Variants in KCNIP1 observed in about 807,000 individuals in gnomAD.
The protein encoded by KCNIP1 is potassium voltage-gated channel interacting protein 1, also known as A-type potassium channel modulatory protein KCNIP1.
In KCNIP1, 18 loss-of-function variants were observed where a neutral mutation model predicts 33.0. The observed-to-expected ratio is 0.55, with a 90% CI of 0.38 to 0.81. The LOEUF is 0.81. Ranked by LOEUF, KCNIP1 falls within the 30% of genes least tolerant of loss-of-function variation. KCNIP1 has a pLI of 0.00. For missense variants in KCNIP1, 238 were observed against 271.6 expected, an observed-to-expected ratio of 0.88 and a Z score of 0.87; for synonymous variants, 93 against 98.3, an observed-to-expected ratio of 0.95 and a Z score of 0.32.
intron 1 of KCNIP1, chr5:170,379,080 ATTGGAGTCGGGGCT>A: frequency 7.4e-7 from 1 of 1,356,716 alleles, no homozygotes; most frequent in Non-Finnish European, 1.0e-6. Flanking sequence ...GGGCCCCTGG[ATTGGAGTCGGGGCT>A]TTGGTCTAAA....
chr5:170,424,884 C>A (rs1755577641), intron 1 of KCNIP1, among the ~76,000 whole-genome samples: 1 of 152,218 alleles, frequency 6.6e-6, no homozygotes, highest in Non-Finnish European at 1.5e-5. Flanking sequence ...CGTTCCTACC[C>A]CACTCCTTTA....
At chr5:170,429,090 C>T (rs73800669) in intron 1 of KCNIP1, among the ~76,000 whole-genome samples, 9,762 of 152,124 alleles carry the variant, frequency 0.064, 516 homozygotes, top group African/African-American at 0.13. Flanking sequence ...GACTCTGTCT[C>T]AAAAAACAAC....
At chr5:170,378,605 G>A in intron 1 of KCNIP1, 2 of 1,235,072 alleles carry the variant, frequency 1.6e-6, no homozygotes, top group Non-Finnish European at 2.3e-6. Flanking sequence ...AGAGTGGGAG[G>A]GCAGGTGGAG....
At chr5:170,538,302 CAG>C (rs780655671) in intron 1 of KCNIP1, among the ~76,000 whole-genome samples, 8 of 152,208 alleles carry the variant, frequency 5.3e-5, no homozygotes, top group Non-Finnish European at 7.3e-5. Context: ...AATAATTAAA[CAG>C]GGGTGATTTT....
At chr5:170,674,640 A>G (rs888028684) in intron 1 of KCNIP1, among the ~76,000 whole-genome samples, 17 of 152,214 alleles carry the variant, frequency 1.1e-4, no homozygotes, top group Non-Finnish European at 2.2e-4. Context: ...TTGGGAGAGT[A>G]GGTTCTGAAA....
intron 1 of KCNIP1, among the ~76,000 whole-genome samples, chr5:170,509,091 G>A (rs1292973106): frequency 1.3e-5 from 2 of 152,228 alleles, no homozygotes; most frequent in South Asian, 2.1e-4. Context: ...TGCAGACCCT[G>A]CAGGAAAAGT....
At position 170,732,868 on chromosome 5, in the gene KCNIP1, G is replaced by A; in HGVS notation, c.504G>A (p.Glu168=). ...MGKYTYPVLK[E]DTPRQHVDVF... is the part of the protein sequence containing the mutation. ...AATACACATATCCTGTGCTCAAAGA[G>A]GACACTCCAAGGCAGCATGTGGACG... Residue 168 remains glutamate, a synonymous_variant, in exon 6 of 8, where the codon GAG becomes GAA. Transcript: ENST00000328939. 1 of 1,613,696 alleles carries A rather than the reference G, an allele frequency of 6.2e-7. No individual in the cohort carries two copies. The highest frequency in any genetic ancestry group is 8.5e-7 in the Non-Finnish European group (1 of 1,179,688).
At chr5:170,368,675 A>G (rs1337964434) in intron 1 of KCNIP1, among the ~76,000 whole-genome samples, 5 of 152,250 alleles carry the variant, frequency 3.3e-5, no homozygotes, top group African/African-American at 1.2e-4. Flanking sequence ...TCAATCATAC[A>G]GTTCTCAGTA....
intron 1 of KCNIP1, among the ~76,000 whole-genome samples, chr5:170,629,119 G>A (rs1302289132): frequency 1.3e-5 from 2 of 152,102 alleles, no homozygotes; most frequent in African/African-American, 4.8e-5. Flanking sequence ...TCCCTCCTTC[G>A]CCCCTGACAT....
At chr5:170,682,784 C>CTTTTTTTTTTTTCTTTT (rs1762397282) in intron 1 of KCNIP1, among the ~76,000 whole-genome samples, 1 of 71,404 alleles carries the variant, frequency 1.4e-5, no homozygotes, top group African/African-American at 5.8e-5. Context: ...TTCTTTGTTT[C>CTTTTTTTTTTTTCTTTT]TTTTTTTTTT....
chr5:170,625,890 G>C (rs1372559348), intron 1 of KCNIP1, among the ~76,000 whole-genome samples: 1 of 152,194 alleles, frequency 6.6e-6, no homozygotes, highest in Non-Finnish European at 1.5e-5. Flanking sequence ...AGGTGAGACT[G>C]CGACAAGACA....
chr5:170,615,148 G>A (rs550450368), intron 1 of KCNIP1, among the ~76,000 whole-genome samples: 1 of 152,352 alleles, frequency 6.6e-6, no homozygotes, highest in Admixed American at 6.5e-5. Flanking sequence ...CCGGGAGGTG[G>A]AGTTTGCAGT....
intron 1 of KCNIP1, among the ~76,000 whole-genome samples, chr5:170,493,219 C>T (rs917776920): frequency 2.6e-5 from 4 of 152,184 alleles, no homozygotes; most frequent in Non-Finnish European, 4.4e-5. Context: ...CACCCTGATG[C>T]TGAACTGAGG....
At chr5:170,691,748 T>A (rs1251456688) in intron 1 of KCNIP1, among the ~76,000 whole-genome samples, 12 of 152,142 alleles carry the variant, frequency 7.9e-5, no homozygotes, top group Admixed American at 5.9e-4. Context: ...AAGAGGCTTC[T>A]GGTGCCCAGG....
rs540383400 is a variant in KCNIP1, at chr5:170,548,714, T to C, written c.61+44081T>C. Among the ~76,000 whole-genome samples, 12 of 152,308 alleles carry C rather than the reference T, an allele frequency of 7.9e-5. No homozygotes were observed. In the South Asian group the frequency reaches 2.1e-3, roughly 26 times the overall value. On this transcript the variant is annotated intron_variant, in intron 1 of 7. Coordinates refer to ENST00000328939, the MANE Select transcript of KCNIP1 (RefSeq NM_014592.4). The stretch of plus-strand genomic sequence containing the variant: ...AGGTCTAGCTCTTTGAGGTTCAAGT[T>C]TTATGTTGGGACCTCTTCCCACTTG...
chr5:170,474,226 C>T (rs2113144289), intron 1 of KCNIP1, among the ~76,000 whole-genome samples: 2 of 152,226 alleles, frequency 1.3e-5, no homozygotes. Context: ...TATAACGAGA[C>T]AACCTTTACT....
chr5:170,731,142 T>G (rs568718876), intron 5 of KCNIP1, among the ~76,000 whole-genome samples: 3 of 152,260 alleles, frequency 2.0e-5, no homozygotes, highest in Admixed American at 6.5e-5. Context: ...TGAAAGATAC[T>G]AAATCAGTAA....
intron 1 of KCNIP1, among the ~76,000 whole-genome samples, chr5:170,544,240 C>G (rs1756324813): frequency 6.6e-6 from 1 of 151,760 alleles, no homozygotes; most frequent in Admixed American, 6.6e-5. Context: ...TGGCGGAAAC[C>G]CAATTTCTAC....
intron 1 of KCNIP1, among the ~76,000 whole-genome samples, chr5:170,360,739 T>A (rs1763486281): frequency 6.6e-6 from 1 of 152,212 alleles, no homozygotes; most frequent in Admixed American, 6.5e-5. Flanking sequence ...TGGTCATCCA[T>A]TCTCATGAGA....
Sources: allele counts gnomAD v4.1 joint callset (sites outside exome capture counted in the v4.1 genomes callset), GRCh38; gene constraint gnomAD v4.1.1; transcripts MANE v1.5; gene names NCBI Gene and HGNC (gene_info 2026-07-23, HGNC 2026-07-21).